AKR1C2: variants seen among roughly 807,000 people sequenced by gnomAD.
AKR1C2 encodes aldo-keto reductase family 1 member C2.
Under a neutral mutation model 39.8 loss-of-function variants are expected in AKR1C2, and 27 were observed. That is an observed-to-expected ratio of 0.68 (90% CI 0.50 to 0.93). AKR1C2 has a LOEUF of 0.93. Ranked by LOEUF, AKR1C2 falls within the 40% of genes least tolerant of loss-of-function variation. The pLI, the probability that AKR1C2 is intolerant of heterozygous loss-of-function variation, is 0.00. For synonymous variants in AKR1C2, 114 were observed against 137.9 expected, an observed-to-expected ratio of 0.83 and a Z score of 1.22; for missense variants, 263 against 365.1, an observed-to-expected ratio of 0.72 and a Z score of 2.28.
chr10:4,994,555 A>G (rs1275140691), intron 7 of AKR1C2, among the ~76,000 whole-genome samples: 2 of 152,106 alleles, frequency 1.3e-5, no homozygotes, highest in African/African-American at 2.4e-5. Flanking sequence ...TCCATTCACT[A>G]TGCTGGGGTC....
rs782648866 is a variant in AKR1C2, at chr10:4,990,016, G to A, written c.952C>T (p.Pro318Ser). The change falls in exon 9 of 9, where the codon CCA (proline) becomes TCA (serine). Residue 318 changes from proline to serine, a missense_variant. Coordinates refer to ENST00000380753, the MANE Select transcript of AKR1C2 (RefSeq NM_001393392.1). The stretch of plus-strand genomic sequence containing the variant: ...CCATGTTAATATTCATCAGAAAATG[G>A]ATAATTAGGGGGGCCAGCAAAACTG... ...LDIFAGPPNY[P>S]FSDEY 6.2e-7 allele frequency: 1 copy of A among 1,604,678 alleles called. No homozygotes were observed.
At chr10:5,016,820 T>C (rs1451388807) in intron 1 of AKR1C2, among the ~76,000 whole-genome samples, 4 of 152,202 alleles carry the variant, frequency 2.6e-5, no homozygotes, top group South Asian at 2.1e-4. Context: ...TGGACGTCCA[T>C]GCATTTTTAT....
At chr10:5,005,751 A>G (rs1364053402), upstream of AKR1C2, among the ~76,000 whole-genome samples, 1 of 152,338 alleles carries the variant, frequency 6.6e-6, no homozygotes, top group Non-Finnish European at 1.5e-5. Flanking sequence ...GAAATAAATC[A>G]GTAGAAATCA....
At chr10:4,994,066 T>C (rs1181844592) in intron 7 of AKR1C2, among the ~76,000 whole-genome samples, 1 of 151,712 alleles carries the variant, frequency 6.6e-6, no homozygotes, top group Non-Finnish European at 1.5e-5. Context: ...TCACTTATTT[T>C]ACTTAATGTT....
intron 1 of AKR1C2, among the ~76,000 whole-genome samples, chr10:5,003,140 T>G (rs1837321727): frequency 6.6e-6 from 1 of 152,068 alleles, no homozygotes; most frequent in Non-Finnish European, 1.5e-5. Flanking sequence ...GTTACAATAT[T>G]TTGATACAAA....
intron 5 of AKR1C2, chr10:4,997,319 A>G (rs1181116475): frequency 6.6e-6 from 1 of 152,366 alleles, no homozygotes; most frequent in Admixed American, 6.5e-5. Context: ...TTAAAAAAAG[A>G]AGAGCTACAA....
In AKR1C2 at chr10:4,999,257, T is replaced by G. The variant is rs1392000081; in HGVS notation, c.390A>C (p.Pro130=). 1 of 1,605,770 alleles carries G rather than the reference T, an allele frequency of 6.2e-7. No homozygotes were observed. The highest frequency in any genetic ancestry group is 8.5e-7 in the Non-Finnish European group (1 of 1,175,514). The change falls in exon 4 of 9, where the codon CCA becomes CCC. Residue 130 remains proline, a synonymous_variant. Coordinates refer to ENST00000380753, the MANE Select transcript of AKR1C2 (RefSeq NM_001393392.1). ...VSVKPGEEVI[P]KDENGKILFD... ...ATAGTATTTTTCCATTTTCATCTTT[T>G]GGGATCACTTCCTCACCTGGCTGAA...
intron 8 of AKR1C2, 52 bp from the exon 9 acceptor site, chr10:4,990,090 A>G: frequency 6.2e-7 from 1 of 1,608,674 alleles, no homozygotes; most frequent in Non-Finnish European, 8.5e-7. Flanking sequence ...CTCCGTTACT[A>G]GCCCGTAGCG....
intron 1 of AKR1C2, among the ~76,000 whole-genome samples, chr10:5,009,230 G>A (rs1269585914): frequency 4.6e-5 from 7 of 152,310 alleles, no homozygotes; most frequent in African/African-American, 1.7e-4. Context: ...ACCTTGCTCA[G>A]TTTTTTCAGA....
rs543860135 is a variant in AKR1C2, at chr10:4,995,924, A to T, written c.571-59T>A. On this transcript the variant is annotated intron_variant, in intron 5 of 8. Transcript: ENST00000380753. The stretch of plus-strand genomic sequence containing the variant: ...ATCCAAAAGTTACATTAATATTAAA[A>T]TCACCAAAGTAAAAGAAGCTGAATA... 78 of 1,554,728 alleles carry T rather than the reference A, an allele frequency of 5.0e-5. 3 individuals are homozygous for T. In the South Asian group the frequency reaches 8.5e-4, roughly 17 times the overall value.
In AKR1C2 at chr10:4,998,384, G is replaced by C. The variant is rs1837134742; in HGVS notation, c.570+241C>G. Among the ~76,000 whole-genome samples the C allele has an allele frequency of 2.0e-5, 3 of 152,146 alleles. No homozygotes were observed. In the South Asian group the frequency reaches 6.2e-4, roughly 32 times the overall value. ...CTAATTGGCAATCCTTGGACTTCTT[G>C]ATCGAATTGACCTCCTATAAATGTA... On this transcript the variant is annotated intron_variant, in intron 5 of 8. Transcript: ENST00000380753.
chr10:5,008,569 T>C (rs1837455873), upstream of AKR1C2, among the ~76,000 whole-genome samples: 1 of 151,910 alleles, frequency 6.6e-6, no homozygotes, highest in South Asian at 2.1e-4. Context: ...AAGAAACTGA[T>C]CTCAGGAGAC....
intron 3 of AKR1C2, chr10:4,999,828 T>A (rs1236079352): frequency 1.4e-6 from 1 of 740,130 alleles, no homozygotes; most frequent in Non-Finnish European, 1.7e-6. Flanking sequence ...ACGAAAAAGG[T>A]TGGAACAAAT....
chr10:5,000,534 C>T lies in AKR1C2; in HGVS notation c.369+16G>A. 6.2e-7 allele frequency: 1 copy of T among 1,613,566 alleles called. No individual in the cohort carries two copies. The highest frequency in any genetic ancestry group is 8.5e-7 in the Non-Finnish European group (1 of 1,179,580). On this transcript the variant is annotated intron_variant, in intron 3 of 8. Coordinates refer to ENST00000380753, the MANE Select transcript of AKR1C2 (RefSeq NM_001393392.1). ...AGAACAAAAGTGAAATTAATTTGAT[C>T]ACACAAGCTGCCTACCTTTACAGAC...
In AKR1C2 at chr10:5,001,219, A is replaced by G. The variant is rs115972196; in HGVS notation, c.252+295T>C. ...AAGAAACTCACCCAGGAGGTAACAG[A>G]TAACATAATATGATTAAGATTATCT... On this transcript the variant is annotated intron_variant, in intron 2 of 8. Transcript: ENST00000380753. 1.4e-3 allele frequency among the ~76,000 whole-genome samples: 207 copies of G among 152,326 alleles called. 1 individual carries two copies. Among genetic ancestry groups the G allele is most frequent in the African/African-American group, 4.8e-3 (200 of 41,570 alleles).
intron 1 of AKR1C2, among the ~76,000 whole-genome samples, chr10:5,002,141 T>A (rs1278222348): frequency 6.6e-6 from 1 of 152,238 alleles, no homozygotes; most frequent in East Asian, 1.9e-4. Flanking sequence ...TTTGTCAATG[T>A]ATGTGAACTG....
Position 5,000,540 on chromosome 10 carries a change from A to G in AKR1C2, c.369+10T>C, listed in dbSNP as rs1837229290. On this transcript the variant is annotated intron_variant, in intron 3 of 8. Coordinates refer to ENST00000380753, the MANE Select transcript of AKR1C2 (RefSeq NM_001393392.1). Reference sequence around the variant, plus strand: ...AAAGTGAAATTAATTTGATCACACAAGCTGCCTACCTTTACAGACACTGGA... The same window carrying G: ...AAAGTGAAATTAATTTGATCACACAGGCTGCCTACCTTTACAGACACTGGA... 1 of 1,613,640 alleles carries G rather than the reference A, an allele frequency of 6.2e-7. No individual in the cohort carries two copies. The highest frequency in any genetic ancestry group is 1.3e-5 in the African/African-American group (1 of 74,912).
At position 4,988,090 on chromosome 10, in the gene AKR1C2, T is replaced by G. The variant is rs1235966962; in HGVS notation, c.*1906A>C. 6.6e-6 allele frequency: 1 copy of G among 152,186 alleles called. No homozygotes were observed. Among genetic ancestry groups the G allele is most frequent in the African/African-American group, 2.4e-5 (1 of 41,448 alleles). 9.4% of individuals were successfully genotyped at this position (152,186 alleles called of 1,614,324 possible). ...CCACAGCAGCCGTACTATTTACAAA[T>G]GACTGACCTAATGATTATTTCACAT... On this transcript the variant is annotated 3_prime_UTR_variant, in exon 9 of 9. Transcript: ENST00000380753.
upstream of AKR1C2, chr10:5,003,909 C>A (rs1420286601): frequency 1.5e-6 from 2 of 1,348,412 alleles, no homozygotes; most frequent in East Asian, 4.6e-5. Context: ...TGGCAACGCC[C>A]CTGAGCACAC....
Sources: gnomAD v4.1 joint callset for allele counts (sites outside exome capture counted in the v4.1 genomes callset) on GRCh38, gnomAD v4.1.1 for gene constraint, MANE v1.5 for transcripts, NCBI Gene and HGNC (gene_info 2026-07-23, HGNC 2026-07-21) for gene names.